ASPH: variants seen among roughly 807,000 people sequenced by gnomAD.
ASPH encodes aspartate beta-hydroxylase.
Under a neutral mutation model 118.4 loss-of-function variants are expected in ASPH, and 100 were observed. The ratio of observed to expected loss-of-function variants is 0.84; its 90% CI spans 0.72 to 1.00. ASPH has a LOEUF of 1.00. Ranked by LOEUF, ASPH falls within the 50% of genes least tolerant of loss-of-function variation. ASPH has a pLI of 0.00. For missense variants in ASPH, 920 were observed against 919.5 expected, an observed-to-expected ratio of 1.00 and a Z score of -0.01; for synonymous variants, 315 against 325.6, an observed-to-expected ratio of 0.97 and a Z score of 0.35.
chr8:61,598,860 A>C (rs1163614502), intron 14 of ASPH, among the ~76,000 whole-genome samples: 1 of 152,214 alleles, frequency 6.6e-6, no homozygotes, highest in Non-Finnish European at 1.5e-5. Flanking sequence ...AATTTTACAA[A>C]TACATGAAAA....
Position 61,517,578 on chromosome 8 carries a change from G to A in ASPH, c.2076C>T (p.Gly692=), listed in dbSNP as rs765414396. Residue 692 remains glycine, a synonymous_variant, in exon 24 of 25, where the codon GGC becomes GGT. Coordinates refer to ENST00000379454, the MANE Select transcript of ASPH (RefSeq NM_004318.4). The part of the protein sequence containing the change: ...PTNCRLRMHL[G]LVIPKEGCKI... ...TGCAGCCTTCCTTGGGAATCACCAA[G>A]CCCAGGTGCATTCGGAGCCTGCAGT... 1 of 1,614,144 alleles carries A rather than the reference G, an allele frequency of 6.2e-7. No homozygotes were observed. The highest frequency in any genetic ancestry group is 1.1e-5 in the South Asian group (1 of 91,090).
chr8:61,592,084 G>C (rs1399338904), intron 14 of ASPH, among the ~76,000 whole-genome samples: 4 of 152,182 alleles, frequency 2.6e-5, no homozygotes, highest in Non-Finnish European at 5.9e-5. Flanking sequence ...GCCAGTCTGT[G>C]AGCTTCAGTT....
At chr8:61,510,632 A>G (rs915833911) in intron 24 of ASPH, among the ~76,000 whole-genome samples, 1 of 152,210 alleles carries the variant, frequency 6.6e-6, no homozygotes, top group Admixed American at 6.5e-5. Context: ...GTATGTGTGC[A>G]CTTTCTATGT....
At chr8:61,643,229 A>G (rs540881813) in intron 9 of ASPH, among the ~76,000 whole-genome samples, 157 bp downstream of exon 9, 35 of 152,336 alleles carry the variant, frequency 2.3e-4, no homozygotes, top group Non-Finnish European at 4.0e-4. Flanking sequence ...TGATATTCTT[A>G]TAACAGTCTA....
At chr8:61,618,660 C>G (rs1441937220) in intron 14 of ASPH, among the ~76,000 whole-genome samples, 3 of 152,192 alleles carry the variant, frequency 2.0e-5, no homozygotes, top group African/African-American at 7.2e-5. Context: ...ACACAGCCTT[C>G]AGAAGTTGGT....
At chr8:61,512,637 T>A (rs1183211748) in intron 24 of ASPH, among the ~76,000 whole-genome samples, 1 of 152,232 alleles carries the variant, frequency 6.6e-6, no homozygotes, top group Non-Finnish European at 1.5e-5. Context: ...CATATATAAA[T>A]GTCAGCCTCA....
intron 21 of ASPH, among the ~76,000 whole-genome samples, chr8:61,539,090 A>G (rs531337729): frequency 6.6e-6 from 1 of 152,014 alleles, no homozygotes; most frequent in South Asian, 2.1e-4. Flanking sequence ...AAAATACAAA[A>G]ATTAGCCAGG....
At chr8:61,625,782 C>T in intron 13 of ASPH, 1 of 985,814 alleles carries the variant, frequency 1.0e-6, no homozygotes, top group Non-Finnish European at 1.2e-6. Flanking sequence ...TAATGATGAT[C>T]TCTGTTAGCG....
intron 13 of ASPH, chr8:61,632,609 T>C: frequency 2.1e-6 from 1 of 473,856 alleles, no homozygotes; most frequent in South Asian, 1.6e-5. Context: ...CTCCATGGAC[T>C]GCTTTTCTCA....
intron 14 of ASPH, among the ~76,000 whole-genome samples, chr8:61,586,081 T>C (rs144927610): frequency 1.3e-5 from 2 of 152,298 alleles, no homozygotes; most frequent in East Asian, 3.9e-4. Flanking sequence ...TTTGACACAG[T>C]TGATGCCCTC....
intron 21 of ASPH, among the ~76,000 whole-genome samples, chr8:61,544,937 C>T (rs950450406): frequency 1.3e-5 from 2 of 152,010 alleles, no homozygotes; most frequent in African/African-American, 4.8e-5. Flanking sequence ...AAGGAATTGG[C>T]TGTGAAGGAT....
At position 61,548,104 on chromosome 8, in the gene ASPH, G is replaced by T; in HGVS notation, c.1731C>A (p.Thr577=). ...ACTCTGTGTAGCCCGTTTCTTTTGG[G>T]GTCCACCAAGGCTGTGCTTTCAGTC... ...VNGLKAQPWW[T]PKETGYTELV... is the part of the protein sequence containing the mutation. The change falls in exon 21 of 25, where the codon ACC becomes ACA. Residue 577 remains threonine, a synonymous_variant. Coordinates refer to ENST00000379454, the MANE Select transcript of ASPH (RefSeq NM_004318.4). 1 of 1,613,604 alleles carries T rather than the reference G, an allele frequency of 6.2e-7. No homozygotes were observed. The highest frequency in any genetic ancestry group is 2.2e-5 in the East Asian group (1 of 44,866).
intron 14 of ASPH, among the ~76,000 whole-genome samples, chr8:61,608,417 C>T (rs540677302): frequency 2.2e-4 from 34 of 152,320 alleles, no homozygotes; most frequent in Admixed American, 4.6e-4. Flanking sequence ...GAAGGAAGCA[C>T]TGCAAGGTTT....
intron 16 of ASPH, among the ~76,000 whole-genome samples, chr8:61,570,900 T>C (rs1833291558): frequency 6.6e-6 from 1 of 152,226 alleles, no homozygotes; most frequent in African/African-American, 2.4e-5. Context: ...TAATATTTTG[T>C]GTCCAATGTT....
intron 14 of ASPH, among the ~76,000 whole-genome samples, chr8:61,592,692 AAG>A (rs1841492646): frequency 6.6e-6 from 1 of 152,224 alleles, no homozygotes; most frequent in African/African-American, 2.4e-5. Context: ...TGAAGTTTCA[AAG>A]TCATCACATA....
intron 21 of ASPH, among the ~76,000 whole-genome samples, chr8:61,532,904 G>T (rs150464185): frequency 4.6e-5 from 7 of 152,296 alleles, no homozygotes; most frequent in African/African-American, 1.4e-4. Flanking sequence ...TGTGTGAAAA[G>T]TGCTTGCACT....
intron 1 of ASPH, chr8:61,687,746 T>C (rs1244925239): frequency 1.3e-5 from 2 of 152,190 alleles, no homozygotes; most frequent in Non-Finnish European, 2.9e-5. Flanking sequence ...CTTAGGAAGA[T>C]TTTCATTCAA....
intron 14 of ASPH, chr8:61,607,412 C>T (rs1441751465): frequency 1.7e-6 from 1 of 600,380 alleles, no homozygotes; most frequent in Non-Finnish European, 3.0e-6. Context: ...AACTCAAAGG[C>T]AAAAATCAGT....
At chr8:61,687,406 C>T (rs1005985528) in intron 1 of ASPH, 7 of 152,138 alleles carry the variant, frequency 4.6e-5, no homozygotes, top group African/African-American at 1.4e-4. Flanking sequence ...ACACCTTTAC[C>T]TAGAATTTGT....
Sources: gnomAD v4.1 joint callset for allele counts (sites outside exome capture counted in the v4.1 genomes callset) on GRCh38, gnomAD v4.1.1 for gene constraint, MANE v1.5 for transcripts, NCBI Gene and HGNC (gene_info 2026-07-23, HGNC 2026-07-21) for gene names.